The following ZFPM2 variants were observed in gnomAD, a reference collection of about 807,000 sequenced individuals.
The protein encoded by ZFPM2 is zinc finger protein, FOG family member 2.
Under a neutral mutation model 98.6 loss-of-function variants are expected in ZFPM2, and 20 were observed. The ratio of observed to expected loss-of-function variants is 0.20; its 90% CI spans 0.14 to 0.29. ZFPM2 has a LOEUF of 0.29. Ranked by LOEUF, ZFPM2 falls within the 10% of genes least tolerant of loss-of-function variation. The pLI, the probability that ZFPM2 is intolerant of heterozygous loss-of-function variation, is 1.00. For synonymous variants in ZFPM2, 518 were observed against 502.7 expected, an observed-to-expected ratio of 1.03 and a Z score of -0.41; for missense variants, 1,310 against 1,388.6, an observed-to-expected ratio of 0.94 and a Z score of 0.90.
chr8:105,501,432 G>A (rs1813593898), intron 3 of ZFPM2, among the ~76,000 whole-genome samples: 1 of 151,478 alleles, frequency 6.6e-6, no homozygotes, highest in African/African-American at 2.4e-5. Context: ...TGATCCACCC[G>A]CCTGGGCCTC....
At chr8:105,483,589 CAAA>C (rs528417557) in intron 3 of ZFPM2, among the ~76,000 whole-genome samples, 1 of 109,096 alleles carries the variant, frequency 9.2e-6, no homozygotes, top group South Asian at 3.0e-4. Context: ...GAGTCCATCT[CAAA>C]AAAAAAAAAA....
intron 4 of ZFPM2, among the ~76,000 whole-genome samples, chr8:105,587,389 C>T (rs1203970789): frequency 6.6e-6 from 1 of 151,804 alleles, no homozygotes; most frequent in Non-Finnish European, 1.5e-5. Context: ...TAAACGACTG[C>T]TTCTGGTATA....
At chr8:105,659,365 G>A (rs1817346434) in intron 5 of ZFPM2, among the ~76,000 whole-genome samples, 1 of 152,200 alleles carries the variant, frequency 6.6e-6, no homozygotes, top group South Asian at 2.1e-4. Flanking sequence ...ATGAACTAAT[G>A]TGGTTGATCT....
At chr8:105,625,626 G>A (rs1253613628) in intron 4 of ZFPM2, among the ~76,000 whole-genome samples, 1 of 151,578 alleles carries the variant, frequency 6.6e-6, no homozygotes, top group Admixed American at 6.6e-5. Context: ...TATACCCCAG[G>A]CTGGAGTGCA....
chr8:105,487,622 A>G (rs1438313730), intron 3 of ZFPM2, among the ~76,000 whole-genome samples: 1 of 152,186 alleles, frequency 6.6e-6, no homozygotes, highest in Non-Finnish European at 1.5e-5. Context: ...AATGTGTTCC[A>G]GTGAAACTTT....
At chr8:105,351,187 GA>G (rs895161749) in intron 1 of ZFPM2, among the ~76,000 whole-genome samples, 3 of 141,818 alleles carry the variant, frequency 2.1e-5, no homozygotes, top group Non-Finnish European at 4.6e-5. Context: ...AAAAAAAAAA[GA>G]AAAAAAAGAA....
intron 4 of ZFPM2, among the ~76,000 whole-genome samples, chr8:105,561,760 G>T (rs1260068886): frequency 6.6e-6 from 1 of 152,086 alleles, no homozygotes; most frequent in East Asian, 1.9e-4. Context: ...GACCAAGACT[G>T]TTCACATTTA....
chr8:105,480,873 C>G (rs1813101133), intron 3 of ZFPM2, among the ~76,000 whole-genome samples: 1 of 151,910 alleles, frequency 6.6e-6, no homozygotes, highest in Non-Finnish European at 1.5e-5. Context: ...GCCTCAGCCT[C>G]CCAAGTAGCT....
At position 105,443,329 on chromosome 8, in the gene ZFPM2, A is replaced by AC. The variant is rs1160347117; in HGVS notation, c.200-951_200-950insC. On this transcript the variant is annotated intron_variant, in intron 2 of 7. Coordinates refer to ENST00000407775, the MANE Select transcript of ZFPM2 (RefSeq NM_012082.4). ...CTCCTTCTCAAAAAACAAAAAACAA[A>AC]AAAAAAAAAACTTGGCATTATTAAA... Among the ~76,000 whole-genome samples, 4 of 144,896 alleles carry AC rather than the reference A, an allele frequency of 2.8e-5. 1 individual carries two copies. Among genetic ancestry groups the AC allele is most frequent in the Non-Finnish European group, 2.9e-5 (2 of 67,814 alleles).
intron 3 of ZFPM2, among the ~76,000 whole-genome samples, chr8:105,497,630 CAT>C (rs929994226): frequency 1.3e-5 from 2 of 152,030 alleles, no homozygotes; most frequent in Non-Finnish European, 2.9e-5. Flanking sequence ...CTGAAAAAAA[CAT>C]ATATTAAGAA....
chr8:105,537,963 C>T (rs1355276168), intron 3 of ZFPM2, among the ~76,000 whole-genome samples: 1 of 152,110 alleles, frequency 6.6e-6, no homozygotes, highest in Non-Finnish European at 1.5e-5. Context: ...ATCTCCTGAC[C>T]TCATGATCCG....
chr8:105,449,453 G>A (rs1292142327), intron 3 of ZFPM2, among the ~76,000 whole-genome samples: 1 of 151,472 alleles, frequency 6.6e-6, no homozygotes, highest in African/African-American at 2.4e-5. Flanking sequence ...TTAAGCTTTG[G>A]GTCATTTCAA....
intron 4 of ZFPM2, among the ~76,000 whole-genome samples, chr8:105,610,238 G>A (rs1406811678): frequency 2.6e-5 from 4 of 152,150 alleles, no homozygotes; most frequent in African/African-American, 4.8e-5. Context: ...GATTTACAGA[G>A]TAGCTTAGCT....
In ZFPM2 at chr8:105,721,652, C is replaced by T. The variant is rs530214309; in HGVS notation, c.533-67066C>T. ...GTATTTAGGTCACTATTGGTTTTCA[C>T]TCTATTTTTTGAAAAATAAAATGTA... On this transcript the variant is annotated intron_variant, in intron 5 of 7. Transcript: ENST00000407775. Among the ~76,000 whole-genome samples, 3 of 152,062 alleles carry T rather than the reference C, an allele frequency of 2.0e-5. 1 individual carries two copies. The highest frequency in any genetic ancestry group is 7.2e-5 in the African/African-American group (3 of 41,534).
Position 105,318,906 on chromosome 8 carries a change from A to C in ZFPM2, c.-36A>C. The C allele has an allele frequency of 7.6e-7, 1 of 1,324,392 alleles. No individual in the cohort carries two copies. Among genetic ancestry groups the C allele is most frequent in the South Asian group, 1.7e-5 (1 of 59,312 alleles). The allele number at this position is 1,324,392 out of a possible 1,614,324, so 82.0% of individuals were successfully genotyped here. On this transcript the variant is annotated 5_prime_UTR_variant, in exon 1 of 8. Transcript: ENST00000407775. The stretch of plus-strand genomic sequence containing the variant: ...GGGAGCGGCAGCCGCGACCGCGGGC[A>C]CCGCGGGAGCCCCAGCGGCAGCAGC...
Position 105,591,080 on chromosome 8 carries a change from G to A in ZFPM2, c.420+29599G>A, listed in dbSNP as rs537911541. On this transcript the variant is annotated intron_variant, in intron 4 of 7. Coordinates refer to ENST00000407775, the MANE Select transcript of ZFPM2 (RefSeq NM_012082.4). ...TTTTCAGACTTAACTCCACACTAAAGCTCGGAGCCTTAGCTTAATATTCAC... is the reference window on the plus strand; with the variant it reads ...TTTTCAGACTTAACTCCACACTAAAACTCGGAGCCTTAGCTTAATATTCAC... 5.3e-5 allele frequency among the ~76,000 whole-genome samples: 8 copies of A among 152,174 alleles called. No homozygotes were observed. The East Asian group carries it at 1.5e-3, about 29-fold the overall frequency.
chr8:105,667,753 A>G (rs960000429), intron 5 of ZFPM2, among the ~76,000 whole-genome samples: 5 of 152,248 alleles, frequency 3.3e-5, no homozygotes, highest in Non-Finnish European at 5.9e-5. Flanking sequence ...CCCAAATATA[A>G]TACAGTGCCA....
intron 3 of ZFPM2, among the ~76,000 whole-genome samples, chr8:105,521,576 A>G (rs78804956): frequency 6.6e-6 from 1 of 151,342 alleles, no homozygotes; most frequent in Non-Finnish European, 1.5e-5. Flanking sequence ...ATACAATGTG[A>G]AACTTTCTTT....
intron 4 of ZFPM2, among the ~76,000 whole-genome samples, chr8:105,617,432 G>A (rs767688452): frequency 1.3e-5 from 2 of 152,098 alleles, no homozygotes; most frequent in African/African-American, 2.4e-5. Context: ...ATTAAACCCA[G>A]CTTGAAGTAT....
Sources: gnomAD v4.1 joint callset for allele counts (sites outside exome capture counted in the v4.1 genomes callset) on GRCh38, gnomAD v4.1.1 for gene constraint, MANE v1.5 for transcripts, NCBI Gene and HGNC (gene_info 2026-07-23, HGNC 2026-07-21) for gene names.